MGAT1: variants seen among roughly 807,000 people sequenced by gnomAD.
MGAT1 encodes the protein N-glycosyl-oligosaccharide-glycoprotein N-acetylglucosaminyltransferase I.
In MGAT1, 14 loss-of-function variants were observed where a neutral mutation model predicts 31.7. The ratio of observed to expected loss-of-function variants is 0.44; its 90% CI spans 0.29 to 0.69. MGAT1 has a LOEUF of 0.69. Among genes scored for constraint, MGAT1 ranks in the 30% least tolerant of loss-of-function variants. The pLI, the probability that MGAT1 is intolerant of heterozygous loss-of-function variation, is 0.12. For missense variants in MGAT1, 557 were observed against 626.0 expected (o/e 0.89, Z 1.18); for synonymous variants, 338 against 276.0 (o/e 1.22, Z -2.23).
chr5:180,809,715 CCA>C (rs1357335448), intron 1 of MGAT1: 2 of 152,142 alleles, frequency 1.3e-5, no homozygotes, highest in African/African-American at 2.4e-5. Context: ...TGCAGCAGCC[CCA>C]CAGTGTTCCC....
At chr5:180,811,595 G>A (rs981575151) in intron 1 of MGAT1, among the ~76,000 whole-genome samples, 2 of 151,356 alleles carry the variant, frequency 1.3e-5, no homozygotes, top group African/African-American at 4.9e-5. Context: ...CTGTGTCTAG[G>A]ATGCAACACC....
intron 1 of MGAT1, among the ~76,000 whole-genome samples, chr5:180,814,804 G>A (rs528779830): frequency 5.3e-5 from 8 of 152,112 alleles, no homozygotes; most frequent in Non-Finnish European, 7.4e-5. Flanking sequence ...GCCAGGCGTG[G>A]TGGCAGGTGC....
Position 180,792,988 on chromosome 5 carries a change from G to A in MGAT1, c.-17C>T. The A allele has an allele frequency of 6.2e-7, 1 of 1,612,566 alleles. No individual in the cohort carries two copies. The highest frequency in any genetic ancestry group is 8.5e-7 in the Non-Finnish European group (1 of 1,179,744). Reference sequence around the variant, plus strand: ...CTTCAGCATCCTGGCCCCCACCGGGGAGGGCAGGCCAGGGGACGGTTCAAG... The same window carrying A: ...CTTCAGCATCCTGGCCCCCACCGGGAAGGGCAGGCCAGGGGACGGTTCAAG... On this transcript the variant is annotated 5_prime_UTR_variant, in exon 2 of 2. Transcript: ENST00000307826.
In MGAT1 at chr5:180,791,058, A is replaced by G; in HGVS notation, c.*576T>C. Reference sequence around the variant, plus strand: ...TCAGAACTATAAACTGCTAGGCTGCAAGGAGAGAAGGGCTAAGTGGGGGTC... The same window carrying G: ...TCAGAACTATAAACTGCTAGGCTGCGAGGAGAGAAGGGCTAAGTGGGGGTC... On this transcript the variant is annotated 3_prime_UTR_variant, in exon 2 of 2. Coordinates refer to ENST00000307826, the MANE Select transcript of MGAT1 (RefSeq NM_002406.4). The G allele has an allele frequency of 6.5e-6, 1 of 154,018 alleles. No individual in the cohort carries two copies. The highest frequency in any genetic ancestry group is 1.4e-5 in the Non-Finnish European group (1 of 69,346). 9.5% of individuals were successfully genotyped at this position (154,018 alleles called of 1,614,324 possible). A position where few individuals can be genotyped will look rare whatever the true frequency, so the allele number is the denominator to read the frequency against.
chr5:180,802,646 C>A (rs1771105931), intron 1 of MGAT1, 34 bp downstream of exon 1: 1 of 152,468 alleles, frequency 6.6e-6, no homozygotes, highest in Non-Finnish European at 1.5e-5. Context: ...GAGGCCTCCC[C>A]CGGTCTGACC....
chr5:180,802,536 G>C lies in MGAT1; in HGVS notation c.-127+144C>G, dbSNP rs911276321. 12 of 152,400 alleles carry C rather than the reference G, an allele frequency of 7.9e-5. No homozygotes were observed. In the East Asian group the frequency reaches 2.3e-3, roughly 30 times the overall value. 9.4% of individuals were successfully genotyped at this position (152,400 alleles called of 1,614,324 possible). A position where few individuals can be genotyped will look rare whatever the true frequency, so the allele number is the denominator to read the frequency against. On this transcript the variant is annotated intron_variant, in intron 1 of 1. Transcript: ENST00000307826. ...CTAACGCGCAGCTGGCACCGGGTCG[G>C]ACCGGGCCGCTCCCCAGCCAAGCCC...
At chr5:180,793,741 T>C (rs1768740428) in intron 1 of MGAT1, among the ~76,000 whole-genome samples, 1 of 152,116 alleles carries the variant, frequency 6.6e-6, no homozygotes, top group Non-Finnish European at 1.5e-5. Context: ...AAAATCAACA[T>C]ATACTAATGG....
At chr5:180,806,085 A>G (rs1771820184), upstream of MGAT1, among the ~76,000 whole-genome samples, 1 of 152,198 alleles carries the variant, frequency 6.6e-6, no homozygotes, top group Non-Finnish European at 1.5e-5. Flanking sequence ...CAGGAGATTG[A>G]GACCATCCTG....
chr5:180,794,400 ATTTT>A (rs888557253), intron 1 of MGAT1, among the ~76,000 whole-genome samples: 2 of 122,474 alleles, frequency 1.6e-5, no homozygotes, highest in African/African-American at 6.8e-5. Context: ...TCTCAAAAAA[ATTTT>A]TTTTTATTAT....
chr5:180,789,931 C>T lies in MGAT1; in HGVS notation c.*1703G>A, dbSNP rs188870750. ...ATGTGTAAGCCACTGCGCCCGGCCG[C>T]GTTTTGTTCTTTTAAATGAATTAGT... is the stretch of plus-strand genomic sequence containing the variant. On this transcript the variant is annotated 3_prime_UTR_variant, in exon 2 of 2. Coordinates refer to ENST00000307826, the MANE Select transcript of MGAT1 (RefSeq NM_002406.4). 3 of 152,284 alleles carry T rather than the reference C, an allele frequency of 2.0e-5. No homozygotes were observed. The highest frequency in any genetic ancestry group is 1.9e-4 in the East Asian group (1 of 5,186). 9.4% of individuals were successfully genotyped at this position (152,284 alleles called of 1,614,324 possible). A position where few individuals can be genotyped will look rare whatever the true frequency, so the allele number is the denominator to read the frequency against.
At chr5:180,808,234 C>G (rs897783878) in intron 2 of MGAT1, among the ~76,000 whole-genome samples, 9 of 152,208 alleles carry the variant, frequency 5.9e-5, no homozygotes, top group African/African-American at 1.4e-4. Flanking sequence ...CTTCTCCCCC[C>G]ACCAGCAGTC....
chr5:180,797,366 C>T (rs139905228), intron 1 of MGAT1, among the ~76,000 whole-genome samples: 2,215 of 146,780 alleles, frequency 0.015, 22 homozygotes, highest in Non-Finnish European at 0.02. Flanking sequence ...GGCACCACTG[C>T]CTTCCAGCCC....
chr5:180,799,246 C>T (rs1770166933), intron 1 of MGAT1, among the ~76,000 whole-genome samples: 1 of 152,154 alleles, frequency 6.6e-6, no homozygotes, highest in Admixed American at 6.6e-5. Context: ...TCAACCTTAC[C>T]TCCAACCACT....
At chr5:180,801,202 C>A (rs539525870) in intron 1 of MGAT1, among the ~76,000 whole-genome samples, 1 of 152,278 alleles carries the variant, frequency 6.6e-6, no homozygotes, top group South Asian at 2.1e-4. Context: ...CTTTATCTGG[C>A]AAAAAATGTT....
rs147777876 is a variant in MGAT1 at position 180,810,606 on chromosome 5, C to T, written c.-545-1540G>A. On this transcript the variant is annotated intron_variant, in intron 1 of 2. Transcript: ENST00000333055. ...GGAACCTGTGCGGTGCAGCCCTGCC[C>T]TCTCCCTCCGCCCAAAGGTCGCCCA... 7.3e-3 allele frequency: 1,112 copies of T among 152,466 alleles called. 8 individuals carry two copies. The highest frequency in any genetic ancestry group is 0.013 in the Non-Finnish European group (887 of 68,156). The allele number at this position is 152,466 out of a possible 1,614,324, so 9.4% of individuals were successfully genotyped here.
intron 1 of MGAT1, among the ~76,000 whole-genome samples, chr5:180,797,227 T>C (rs1021416303): frequency 1.3e-5 from 2 of 151,750 alleles, no homozygotes; most frequent in African/African-American, 4.8e-5. Context: ...CGAAACCCCA[T>C]CTCTACTAAA....
At chr5:180,794,583 A>C (rs761474739) in intron 1 of MGAT1, among the ~76,000 whole-genome samples, 6 of 152,186 alleles carry the variant, frequency 3.9e-5, no homozygotes, top group Non-Finnish European at 8.8e-5. Context: ...TCCCAAGGCA[A>C]AGATGGTCTT....
At position 180,785,030 on chromosome 5, in the gene MGAT1, A is replaced by G. The variant is rs1259236560; in HGVS notation, c.*6604T>C. Reference sequence around the variant, plus strand: ...TCTTTCAACTTCCCTGTGAGTTTGAATATTTTCATAATAAAAACTTGAAAA... The same window carrying G: ...TCTTTCAACTTCCCTGTGAGTTTGAGTATTTTCATAATAAAAACTTGAAAA... On this transcript the variant is annotated 3_prime_UTR_variant, in exon 2 of 2. Transcript: ENST00000307826. 2 of 152,234 alleles carry G rather than the reference A, an allele frequency of 1.3e-5. No individual in the cohort carries two copies. Among genetic ancestry groups the G allele is most frequent in the African/African-American group, 4.8e-5 (2 of 41,448 alleles). The allele number at this position is 152,234 out of a possible 1,614,324, so 9.4% of individuals were successfully genotyped here.
At chr5:180,795,584 A>G (rs1581828697) in intron 1 of MGAT1, 1 of 152,226 alleles carries the variant, frequency 6.6e-6, no homozygotes, top group Non-Finnish European at 1.5e-5. Flanking sequence ...CTCTGCACAC[A>G]TAGAGAGCAA....
Sources: allele counts gnomAD v4.1 joint callset (sites outside exome capture counted in the v4.1 genomes callset), GRCh38; gene constraint gnomAD v4.1.1; transcripts MANE v1.5; gene names NCBI Gene and HGNC (gene_info 2026-07-23, HGNC 2026-07-21).